AGMO: variants seen among roughly 807,000 people sequenced by gnomAD.
The protein encoded by AGMO is glyceryl-ether monooxygenase.
Under a neutral mutation model 60.2 loss-of-function variants are expected in AGMO, and 75 were observed. The observed-to-expected ratio is 1.25, with a 90% CI of 1.03 to 1.51. The LOEUF (loss-of-function observed/expected upper bound fraction) is 1.51. AGMO is among the 40% of genes most tolerant of loss of function. The probability of loss-of-function intolerance (pLI) is 0.00; values close to 1 mark genes in which losing one functional copy is unlikely to be tolerated. For missense variants in AGMO, 763 were observed against 525.5 expected (o/e 1.45, Z -4.42); for synonymous variants, 261 against 177.1 (o/e 1.47, Z -3.76).
chr7:15,121,359 A>G, the AGMO span, among the ~76,000 whole-genome samples: 1 of 152,150 alleles, frequency 6.6e-6, no homozygotes, highest in African/African-American at 2.4e-5. Flanking sequence ...GCTGGGTCAA[A>G]TGATATTTCT....
chr7:15,450,854 A>G (rs1781839105), intron 3 of AGMO, among the ~76,000 whole-genome samples: 1 of 152,188 alleles, frequency 6.6e-6, no homozygotes, highest in Non-Finnish European at 1.5e-5. Flanking sequence ...TGAACAACAT[A>G]GAAATCCAAA....
chr7:15,265,077 T>A (rs1296883548), intron 12 of AGMO, among the ~76,000 whole-genome samples: 2 of 152,130 alleles, frequency 1.3e-5, no homozygotes. Flanking sequence ...GTGATATGTA[T>A]ACACTATGGA....
At chr7:15,273,433 G>T (rs774667849) in intron 12 of AGMO, among the ~76,000 whole-genome samples, 1 of 152,052 alleles carries the variant, frequency 6.6e-6, no homozygotes, top group African/African-American at 2.4e-5. Context: ...AGATCAGATG[G>T]TTGTGTGATA....
chr7:15,139,840 A>C, the AGMO span, among the ~76,000 whole-genome samples: 1 of 149,284 alleles, frequency 6.7e-6, no homozygotes, highest in East Asian at 1.9e-4. Flanking sequence ...AAAAAAAAAG[A>C]ATAATACAGT....
chr7:15,270,073 T>A (rs79811408), intron 12 of AGMO, among the ~76,000 whole-genome samples: 1 of 152,038 alleles, frequency 6.6e-6, no homozygotes, highest in Non-Finnish European at 1.5e-5. Flanking sequence ...AAAAAAGATA[T>A]AAATGCAGGT....
intron 12 of AGMO, among the ~76,000 whole-genome samples, chr7:15,356,953 C>CAAAAAA (rs917201250): frequency 2.9e-5 from 2 of 68,922 alleles, no homozygotes; most frequent in African/African-American, 5.6e-5. Flanking sequence ...ACTAAAATTA[C>CAAAAAA]AAAAAAAAAA....
chr7:15,454,666 T>C (rs1295710750), intron 3 of AGMO, among the ~76,000 whole-genome samples: 1 of 152,108 alleles, frequency 6.6e-6, no homozygotes, highest in Non-Finnish European at 1.5e-5. Context: ...TCAAACATTT[T>C]CAACAGTTCC....
At chr7:15,161,492 A>G in the AGMO span, among the ~76,000 whole-genome samples, 79 of 151,162 alleles carry the variant, frequency 5.2e-4, no homozygotes, top group African/African-American at 1.9e-3. Flanking sequence ...GCTTGTATAA[A>G]TACACACATA....
At chr7:15,123,765 A>AGCAGAAAT in the AGMO span, among the ~76,000 whole-genome samples, 1 of 152,122 alleles carries the variant, frequency 6.6e-6, no homozygotes, top group African/African-American at 2.4e-5. Context: ...ATTAGCTATT[A>AGCAGAAAT]TCAATTTCTG....
chr7:15,390,784 T>G, intron 7 of AGMO, 34 bp from the exon 8 acceptor site: 1 of 1,592,992 alleles, frequency 6.3e-7, no homozygotes, highest in Non-Finnish European at 8.6e-7. Flanking sequence ...GAGATTTGGC[T>G]TCCTGTAAAG....
chr7:15,267,897 G>A (rs1334794084), intron 12 of AGMO, among the ~76,000 whole-genome samples: 1 of 151,888 alleles, frequency 6.6e-6, no homozygotes, highest in East Asian at 1.9e-4. Context: ...ACAACTCCGA[G>A]TAATGCCAGA....
At chr7:15,503,580 T>C (rs1368325076) in intron 3 of AGMO, among the ~76,000 whole-genome samples, 1 of 151,896 alleles carries the variant, frequency 6.6e-6, no homozygotes, top group East Asian at 1.9e-4. Flanking sequence ...GAATAAATAA[T>C]CCCAGGGAAA....
intron 3 of AGMO, among the ~76,000 whole-genome samples, chr7:15,494,969 G>T (rs563370282): frequency 1.3e-5 from 2 of 152,194 alleles, no homozygotes; most frequent in African/African-American, 4.8e-5. Context: ...GCCTGAGAAG[G>T]CAGCTGCCAT....
intron 12 of AGMO, among the ~76,000 whole-genome samples, chr7:15,212,097 A>G (rs11971544): frequency 0.052 from 7,959 of 152,036 alleles, 685 homozygotes; most frequent in African/African-American, 0.18. Flanking sequence ...TAGACAATCA[A>G]AACTCTTGAA....
intron 3 of AGMO, among the ~76,000 whole-genome samples, chr7:15,536,980 C>T (rs557758043): frequency 2.6e-5 from 4 of 151,984 alleles, no homozygotes; most frequent in Admixed American, 6.6e-5. Context: ...GCATATTTAG[C>T]GAAAGAGACT....
chr7:15,239,478 T>C (rs1782525900), intron 12 of AGMO, among the ~76,000 whole-genome samples: 1 of 152,124 alleles, frequency 6.6e-6, no homozygotes, highest in Non-Finnish European at 1.5e-5. Flanking sequence ...TTACCATATA[T>C]AGCAATCTCT....
At chr7:15,354,461 CGT>C (rs199954575) in intron 12 of AGMO, among the ~76,000 whole-genome samples, 1,518 of 16,384 alleles carry the variant, frequency 0.093, 250 homozygotes, top group African/African-American at 0.31. Flanking sequence ...TGTATACACA[CGT>C]GTGTGTATAC....
chr7:15,179,379 G>A, the AGMO span, among the ~76,000 whole-genome samples: 2 of 152,128 alleles, frequency 1.3e-5, no homozygotes, highest in Non-Finnish European at 2.9e-5. Context: ...AGAATATAAT[G>A]GTGGGACAGT....
At chr7:15,403,011 G>GA (rs1053769881) in intron 5 of AGMO, among the ~76,000 whole-genome samples, 15 of 151,314 alleles carry the variant, frequency 9.9e-5, no homozygotes, top group South Asian at 4.2e-4. Context: ...AACTGTATCA[G>GA]AAAAAAAAGA....
Sources: gnomAD v4.1 joint callset for allele counts (sites outside exome capture counted in the v4.1 genomes callset) on GRCh38, gnomAD v4.1.1 for gene constraint, MANE v1.5 for transcripts, NCBI Gene and HGNC (gene_info 2026-07-23, HGNC 2026-07-21) for gene names.